ZIM2: variants seen among roughly 807,000 people sequenced by gnomAD.
ZIM2 encodes zinc finger imprinted 2, also known as zinc finger protein 656.
A neutral mutation model predicts 38.6 loss-of-function variants in ZIM2; 14 were observed. The ratio of observed to expected loss-of-function variants is 0.36; its 90% CI spans 0.24 to 0.57. The LOEUF (loss-of-function observed/expected upper bound fraction) is 0.57, where lower values mean the gene tolerates loss of function less well. Ranked by LOEUF, ZIM2 falls within the 20% of genes least tolerant of loss-of-function variation. The pLI is 0.81. For missense variants in ZIM2, 680 were observed against 695.1 expected, an observed-to-expected ratio of 0.98 and a Z score of 0.24; for synonymous variants, 247 against 245.8, an observed-to-expected ratio of 1.00 and a Z score of -0.04.
chr19:56,816,980 G>A, intron 9 of ZIM2: 1 of 1,614,094 alleles, frequency 6.2e-7, no homozygotes, highest in Non-Finnish European at 8.5e-7. Context: ...GCCACACTGT[G>A]GATAAAGGAC....
chr19:56,790,681 C>T (rs954266955), intron 9 of ZIM2, among the ~76,000 whole-genome samples: 4 of 152,082 alleles, frequency 2.6e-5, no homozygotes, highest in Non-Finnish European at 4.4e-5. Flanking sequence ...TTGTTAATAT[C>T]GTACTGTGCC....
rs2045913299 is a variant in ZIM2 at position 56,774,613 on chromosome 19, G to A, written c.*75C>T. 2 of 1,526,076 alleles carry A rather than the reference G, an allele frequency of 1.3e-6. No homozygotes were observed. The highest frequency in any genetic ancestry group is 1.4e-5 in the African/African-American group (1 of 72,350). The allele number at this position is 1,526,076 out of a possible 1,614,324, so 94.5% of individuals were successfully genotyped here. A position where few individuals can be genotyped will look rare whatever the true frequency, so the allele number is the denominator to read the frequency against. ...GTTAACAAGGTGGGGCTAGTGAAAG[G>A]CCTTCTCACACTCACAACACTCTAG... On this transcript the variant is annotated 3_prime_UTR_variant, in exon 13 of 13. Coordinates refer to ENST00000629319, the MANE Select transcript of ZIM2 (RefSeq NM_001387356.1).
intron 7 of ZIM2, among the ~76,000 whole-genome samples, chr19:56,819,709 G>C (rs1365129014): frequency 1.3e-5 from 2 of 152,212 alleles, no homozygotes; most frequent in East Asian, 1.9e-4. Flanking sequence ...TATCTGCTTT[G>C]CAATACTGTG....
intron 7 of ZIM2, among the ~76,000 whole-genome samples, chr19:56,821,443 T>G (rs1412201205): frequency 6.6e-6 from 1 of 152,100 alleles, no homozygotes; most frequent in Non-Finnish European, 1.5e-5. Context: ...CAGGAGCTCC[T>G]CTGACCACAT....
At chr19:56,827,296 T>A (rs2061135645) in intron 2 of ZIM2, among the ~76,000 whole-genome samples, 1 of 152,146 alleles carries the variant, frequency 6.6e-6, no homozygotes, top group Non-Finnish European at 1.5e-5. Context: ...AAATTCAGGA[T>A]TAAACATACA....
At chr19:56,824,687 AAACATGAGTC>A (rs2060850124) in intron 3 of ZIM2, 2 of 1,572,258 alleles carry the variant, frequency 1.3e-6, no homozygotes, top group Non-Finnish European at 1.7e-6. Flanking sequence ...TGGAGGAACC[AAACATGAGTC>A]AACAGGAAAG....
intron 9 of ZIM2, chr19:56,813,458 C>T (rs1373581638): frequency 2.2e-5 from 31 of 1,379,680 alleles, no homozygotes; most frequent in Non-Finnish European, 2.7e-5. Flanking sequence ...CTATGGCTTT[C>T]CCACATGCAG....
Position 56,778,294 on chromosome 19 carries a change from C to T in ZIM2, c.835+1083G>A, listed in dbSNP as rs560609921. On this transcript the variant is annotated intron_variant, in intron 12 of 12. Transcript: ENST00000629319. ...TGAGATGACTGAATAATGAAGAAAC[C>T]AGAGTAGGGAAAGAAAAGAAGACAA... Among the ~76,000 whole-genome samples the T allele has an allele frequency of 2.6e-5, 4 of 152,144 alleles. No homozygotes were observed. The South Asian group carries it at 6.2e-4, about 24-fold the overall frequency.
At position 56,779,362 on chromosome 19, in the gene ZIM2, C is replaced by T; in HGVS notation, c.835+15G>A. The T allele has an allele frequency of 1.2e-6, 2 of 1,612,944 alleles. No homozygotes were observed. Among genetic ancestry groups the T allele is most frequent in the Admixed American group, 1.7e-5 (1 of 59,952 alleles). On this transcript the variant is annotated intron_variant, in intron 12 of 12. Transcript: ENST00000629319. ...TTCCCCCTCCTACACCCCGGGCTTC[C>T]CCCTCACTACTCACCTTGACAAATC...
chr19:56,786,929 T>C (rs1259746226), intron 10 of ZIM2, among the ~76,000 whole-genome samples: 3 of 152,102 alleles, frequency 2.0e-5, no homozygotes, highest in African/African-American at 7.2e-5. Context: ...CTCCACCTCC[T>C]GGGTTCAAGC....
chr19:56,817,194 A>G (rs2060056525), intron 9 of ZIM2: 3 of 1,614,086 alleles, frequency 1.9e-6, no homozygotes, highest in African/African-American at 2.7e-5. Context: ...TACCACATTC[A>G]AAGGGCTTCT....
intron 1 of ZIM2, among the ~76,000 whole-genome samples, chr19:56,840,168 G>C (rs2062834835): frequency 6.6e-6 from 1 of 152,212 alleles, no homozygotes; most frequent in Admixed American, 6.5e-5. Context: ...TGGCAACAGG[G>C]ATAGCATTGG....
chr19:56,833,439 T>C (rs1455427472), intron 2 of ZIM2: 3 of 331,148 alleles, frequency 9.1e-6, no homozygotes, highest in Non-Finnish European at 1.8e-5. Flanking sequence ...CGACATTCTC[T>C]ACTTCAGCAC....
Position 56,814,407 on chromosome 19 carries a change from T to A in ZIM2, c.490+3339A>T. On this transcript the variant is annotated intron_variant, in intron 9 of 12. Transcript: ENST00000629319. The surrounding 1 kb of genome is among the most constrained non-coding windows in gnomAD (Gnocchi z 5.8). ...GAAGCTCCTTATGTTTAGTGAGGAC[T>A]GTGCTATGAATAAAGGACTTACCAC... The A allele has an allele frequency of 6.2e-7, 1 of 1,613,916 alleles. No individual in the cohort carries two copies. Among genetic ancestry groups the A allele is most frequent in the Non-Finnish European group, 8.5e-7 (1 of 1,179,768 alleles).
At chr19:56,775,562 C>T (rs1484422245) in intron 12 of ZIM2, 33 bp from the exon 13 acceptor site, 1 of 1,559,258 alleles carries the variant, frequency 6.4e-7, no homozygotes, top group Non-Finnish European at 8.7e-7. Flanking sequence ...TACCTACCGC[C>T]CAATTATCCA....
chr19:56,830,243 C>T (rs2061449396), intron 2 of ZIM2, among the ~76,000 whole-genome samples: 1 of 152,080 alleles, frequency 6.6e-6, no homozygotes, highest in Admixed American at 6.5e-5. Context: ...ATTTAATAAA[C>T]CCAAACTAAC....
intron 8 of ZIM2, among the ~76,000 whole-genome samples, 178 bp from the exon 9 acceptor site, chr19:56,818,016 T>C (rs2060138240): frequency 6.6e-6 from 1 of 152,254 alleles, no homozygotes; most frequent in Non-Finnish European, 1.5e-5. Context: ...TAATCCATTC[T>C]AATCTACATG....
At chr19:56,835,866 T>A (rs957436532) in intron 2 of ZIM2, among the ~76,000 whole-genome samples, 152 bp downstream of exon 2, 1 of 152,150 alleles carries the variant, frequency 6.6e-6, no homozygotes, top group East Asian at 1.9e-4. Context: ...GAATACACAA[T>A]CCACCAGAAG....
At chr19:56,788,019 C>CT (rs1488793826) in intron 10 of ZIM2, among the ~76,000 whole-genome samples, 9 of 148,956 alleles carry the variant, frequency 6.0e-5, no homozygotes, top group Non-Finnish European at 1.5e-5. Flanking sequence ...GGTAAGCAGT[C>CT]TATCTGTTTT....
Sources: allele counts gnomAD v4.1 joint callset (sites outside exome capture counted in the v4.1 genomes callset), GRCh38; gene constraint gnomAD v4.1.1; non-coding constraint Gnocchi (gnomAD v3.1); transcripts MANE v1.5; gene names NCBI Gene and HGNC (gene_info 2026-07-23, HGNC 2026-07-21).